Variants in VAV3 observed in about 807,000 individuals in gnomAD.
The protein encoded by VAV3 is guanine nucleotide exchange factor VAV3.
VAV3 carries 94 observed loss-of-function variants against 131.2 expected under a neutral mutation model. The ratio of observed to expected loss-of-function variants is 0.72; its 90% CI spans 0.61 to 0.85. The LOEUF (loss-of-function observed/expected upper bound fraction) is 0.85, where lower values mean the gene tolerates loss of function less well. VAV3 is among the 40% of genes least tolerant of loss of function. The pLI, the probability that VAV3 is intolerant of heterozygous loss-of-function variation, is 0.00. For synonymous variants in VAV3, 349 were observed against 342.0 expected, an observed-to-expected ratio of 1.02 and a Z score of -0.22; for missense variants, 939 against 1,002.7, an observed-to-expected ratio of 0.94 and a Z score of 0.86.
chr1:107,854,982 T>C (rs187855957), intron 2 of VAV3, among the ~76,000 whole-genome samples: 80 of 152,312 alleles, frequency 5.3e-4, no homozygotes, highest in African/African-American at 1.8e-3. Context: ...TGCCATCTTC[T>C]AAAGCCAAAA....
chr1:107,586,338 A>ATCTCAATTAAG (rs1161378506), intron 25 of VAV3, among the ~76,000 whole-genome samples: 20 of 152,228 alleles, frequency 1.3e-4, no homozygotes, highest in Non-Finnish European at 1.5e-5. Context: ...CTGTTGAATG[A>ATCTCAATTAAG]ATGCATTAAT....
chr1:107,762,379 C>T (rs4509602), intron 9 of VAV3, among the ~76,000 whole-genome samples: 96,108 of 152,012 alleles, frequency 0.63, 31,091 homozygotes, highest in Non-Finnish European at 0.7. Context: ...ATGAGTATGT[C>T]TGTCTACAGC....
At chr1:107,603,291 ATTGT>A (rs1652010075) in intron 22 of VAV3, 128 bp from the exon 23 acceptor site, 2 of 669,236 alleles carry the variant, frequency 3.0e-6, no homozygotes, top group Non-Finnish European at 5.1e-6. Context: ...TACTAATTAC[ATTGT>A]TTAAGAAAAA....
chr1:107,741,603 G>A (rs1663026840), intron 15 of VAV3, among the ~76,000 whole-genome samples: 1 of 152,164 alleles, frequency 6.6e-6, no homozygotes, highest in South Asian at 2.1e-4. Flanking sequence ...AAAAGGCATA[G>A]ATCCTTTCTC....
intron 1 of VAV3, among the ~76,000 whole-genome samples, chr1:107,954,325 T>C (rs1674694236): frequency 1.3e-5 from 2 of 152,194 alleles, no homozygotes; most frequent in African/African-American, 4.8e-5. Context: ...AACCATGTGC[T>C]TGAGACCAGC....
intron 20 of VAV3, among the ~76,000 whole-genome samples, chr1:107,620,504 A>G (rs1653494496): frequency 6.6e-6 from 1 of 152,116 alleles, no homozygotes; most frequent in African/African-American, 2.4e-5. Context: ...AGTAGGCTAC[A>G]CTATCTAGGT....
chr1:107,780,766 T>G (rs954338334), intron 2 of VAV3, among the ~76,000 whole-genome samples: 1 of 152,186 alleles, frequency 6.6e-6, no homozygotes, highest in Non-Finnish European at 1.5e-5. Flanking sequence ...CCCACCTGCC[T>G]TGGCCTCCCA....
At chr1:107,842,943 T>C (rs1668791084) in intron 2 of VAV3, among the ~76,000 whole-genome samples, 1 of 152,150 alleles carries the variant, frequency 6.6e-6, no homozygotes, top group Non-Finnish European at 1.5e-5. Flanking sequence ...CATATTCCTA[T>C]CATGAGGAAC....
chr1:107,904,885 G>A (rs1282943597), intron 1 of VAV3, among the ~76,000 whole-genome samples: 1 of 152,170 alleles, frequency 6.6e-6, no homozygotes, highest in African/African-American at 2.4e-5. Context: ...GTTATATGCA[G>A]GTGAGGGAAA....
intron 2 of VAV3, among the ~76,000 whole-genome samples, chr1:107,791,391 A>G (rs1029407377): frequency 3.3e-5 from 5 of 152,274 alleles, no homozygotes; most frequent in African/African-American, 1.2e-4. Context: ...TATCAAAAAA[A>G]AAAAAAGACT....
chr1:107,702,290 G>C (rs561835705), intron 17 of VAV3, among the ~76,000 whole-genome samples: 5 of 152,224 alleles, frequency 3.3e-5, no homozygotes, highest in South Asian at 2.1e-4. Context: ...ACTATCATGA[G>C]AACAGCGTGG....
intron 10 of VAV3, among the ~76,000 whole-genome samples, chr1:107,757,915 A>G (rs574337234): frequency 2.6e-5 from 4 of 152,212 alleles, no homozygotes; most frequent in African/African-American, 9.6e-5. Context: ...CATAATGTCA[A>G]CTATCACCTC....
chr1:107,748,185 T>G (rs1452051002), intron 15 of VAV3, among the ~76,000 whole-genome samples: 2 of 152,204 alleles, frequency 1.3e-5, no homozygotes, highest in Non-Finnish European at 2.9e-5. Flanking sequence ...TATATAATCT[T>G]AGAACCCAAA....
chr1:107,891,567 G>A (rs1027301412), intron 1 of VAV3, among the ~76,000 whole-genome samples: 4 of 151,320 alleles, frequency 2.6e-5, no homozygotes, highest in East Asian at 1.9e-4. Context: ...GGGTGGGCAC[G>A]GTAGCTCATG....
chr1:107,747,206 A>T (rs886661174), intron 15 of VAV3, among the ~76,000 whole-genome samples: 2 of 152,188 alleles, frequency 1.3e-5, no homozygotes, highest in Non-Finnish European at 2.9e-5. Flanking sequence ...CCACAAATTA[A>T]CTGTTTGTTT....
intron 2 of VAV3, among the ~76,000 whole-genome samples, chr1:107,817,368 T>C (rs1436962567): frequency 6.6e-6 from 1 of 151,442 alleles, no homozygotes; most frequent in Non-Finnish European, 1.5e-5. Flanking sequence ...GCACAGCAGG[T>C]CTGGGTAACA....
rs78862735 is a variant in VAV3, at chr1:107,688,571, A to G, written c.1706-165T>C. ...CAGGCTGGGCTAGTAATTATTTTGC[A>G]ACCTTGGTTCTCTTACCCTATTGGC... On this transcript the variant is annotated intron_variant, in intron 17 of 26. Transcript: ENST00000370056. The G allele has an allele frequency of 1.4e-3, 2,092 of 1,501,894 alleles. 31 individuals are homozygous for G. The African/African-American group carries it at 0.027, about 19-fold the overall frequency. The allele number at this position is 1,501,894 out of a possible 1,614,324, so 93.0% of individuals were successfully genotyped here. A position where few individuals can be genotyped will look rare whatever the true frequency, so the allele number is the denominator to read the frequency against.
At chr1:107,831,219 T>C (rs75446852) in intron 2 of VAV3, among the ~76,000 whole-genome samples, 4,236 of 152,298 alleles carry the variant, frequency 0.028, 89 homozygotes, top group African/African-American at 0.06. Flanking sequence ...AAATTGTTTT[T>C]ATAAACAATA....
intron 15 of VAV3, among the ~76,000 whole-genome samples, chr1:107,705,774 GC>G (rs1484806073): frequency 1.3e-5 from 2 of 151,988 alleles, no homozygotes; most frequent in South Asian, 2.1e-4. Context: ...AATCCTAACT[GC>G]CTGGCACGAA....
Sources: gnomAD v4.1 joint callset for allele counts (sites outside exome capture counted in the v4.1 genomes callset) on GRCh38, gnomAD v4.1.1 for gene constraint, MANE v1.5 for transcripts, NCBI Gene and HGNC (gene_info 2026-07-23, HGNC 2026-07-21) for gene names.